Variants in SURF4 observed in about 807,000 individuals in gnomAD.
SURF4 encodes the protein surfeit locus protein 4.
A neutral mutation model predicts 30.0 loss-of-function variants in SURF4; 3 were observed. The observed-to-expected ratio is 0.10, with a 90% CI of 0.05 to 0.26. The LOEUF (loss-of-function observed/expected upper bound fraction) is 0.26. Ranked by LOEUF, SURF4 falls within the 10% of genes least tolerant of loss-of-function variation. The pLI is 1.00. For synonymous variants in SURF4, 143 were observed against 139.9 expected, an observed-to-expected ratio of 1.02 and a Z score of -0.16; for missense variants, 217 against 350.8, an observed-to-expected ratio of 0.62 and a Z score of 3.05.
intron 1 of SURF4, 104 bp from the exon 2 acceptor site, chr9:133,367,549 G>A (rs2130145924): frequency 6.4e-7 from 1 of 1,571,486 alleles, no homozygotes; most frequent in African/African-American, 1.3e-5. Flanking sequence ...AGACGCTGTG[G>A]AAGGCAAGAG....
At chr9:133,376,256 C>T (rs1313779763), upstream of SURF4, 16 of 1,303,840 alleles carry the variant, frequency 1.2e-5, no homozygotes, top group Non-Finnish European at 1.6e-5. Context: ...ACGCTGGAGG[C>T]CCCGCCCGCC....
chr9:133,376,303 A>G (rs1837938232), upstream of SURF4: 2 of 1,339,856 alleles, frequency 1.5e-6, no homozygotes, highest in African/African-American at 3.1e-5. Context: ...GCCCGGCGGA[A>G]CGCGTCCCTT....
chr9:133,376,378 GGC>G, upstream of SURF4: 1 of 1,414,800 alleles, frequency 7.1e-7, no homozygotes, highest in Non-Finnish European at 9.3e-7. Context: ...GTGCCTCGAG[GGC>G]GCCGTTCGGG....
chr9:133,366,126 G>A, intron 3 of SURF4, 98 bp from the exon 4 acceptor site: 1 of 1,271,670 alleles, frequency 7.9e-7, no homozygotes, highest in Non-Finnish European at 1.1e-6. Context: ...AATGTCAGCT[G>A]GAGTCTAAAA....
chr9:133,367,570 C>A, intron 1 of SURF4, 125 bp from the exon 2 acceptor site: 2 of 1,544,134 alleles, frequency 1.3e-6, no homozygotes, highest in Non-Finnish European at 1.7e-6. Flanking sequence ...CTCTTGTCAG[C>A]CCCGGTGCCT....
Position 133,363,871 on chromosome 9 carries a change from G to C in SURF4, c.544-112C>G, listed in dbSNP as rs2130095213. The C allele has an allele frequency of 1.5e-6, 2 of 1,367,784 alleles. No homozygotes were observed. Among genetic ancestry groups the C allele is most frequent in the South Asian group, 2.4e-5 (2 of 82,742 alleles). 84.7% of individuals were successfully genotyped at this position (1,367,784 alleles called of 1,614,324 possible). A position where few individuals can be genotyped will look rare whatever the true frequency, so the allele number is the denominator to read the frequency against. ...TGAAGTCTCTATCCATCAGGCTGAT[G>C]TAGCTACTGCTGAGACGGCTGCTGG... On this transcript the variant is annotated intron_variant, in intron 5 of 5. Transcript: ENST00000371989. This position sits in a 1 kb window ranked among gnomAD's most constrained non-coding sequence, Gnocchi z 4.3.
At chr9:133,368,361 C>T (rs1437027814) in intron 1 of SURF4, among the ~76,000 whole-genome samples, 1 of 152,242 alleles carries the variant, frequency 6.6e-6, no homozygotes, top group African/African-American at 2.4e-5. Flanking sequence ...AGGCCCCAGG[C>T]TCTGGACAGC....
At chr9:133,375,787 G>C (rs985076568) in intron 1 of SURF4, 135 bp downstream of exon 1, 2 of 894,112 alleles carry the variant, frequency 2.2e-6, no homozygotes, top group Non-Finnish European at 2.9e-6. Context: ...GGGCCCGGGC[G>C]GGGGGGTCCC....
chr9:133,376,632 C>G (rs2119197012), upstream of SURF4: 1 of 1,365,210 alleles, frequency 7.3e-7, no homozygotes. Flanking sequence ...CTACGGCCGG[C>G]GGTTCCGACC....
At chr9:133,365,856 A>T (rs1212145511) in intron 4 of SURF4, 129 bp downstream of exon 4, 1 of 919,036 alleles carries the variant, frequency 1.1e-6, no homozygotes, top group Non-Finnish European at 1.7e-6. Flanking sequence ...AAATGCTCCA[A>T]TGAGCACTTC....
At chr9:133,369,436 T>C (rs972800302) in intron 1 of SURF4, among the ~76,000 whole-genome samples, 6 of 152,178 alleles carry the variant, frequency 3.9e-5, no homozygotes, top group African/African-American at 1.4e-4. Flanking sequence ...TCTACTATCC[T>C]GCAGTAGAGT....
At chr9:133,375,128 G>A (rs2130233139) in intron 1 of SURF4, 23 of 714,886 alleles carry the variant, frequency 3.2e-5, no homozygotes, top group Middle Eastern at 7.2e-4. Context: ...AGGGAAGGGA[G>A]TTGTGTCCCT....
intron 1 of SURF4, among the ~76,000 whole-genome samples, chr9:133,373,739 G>A (rs1226532163): frequency 6.6e-6 from 1 of 151,106 alleles, no homozygotes; most frequent in Non-Finnish European, 1.5e-5. Context: ...CCAACATGGG[G>A]AAACCCCGTC....
intron 1 of SURF4, among the ~76,000 whole-genome samples, chr9:133,369,861 TG>T (rs2119152686): frequency 6.6e-6 from 1 of 152,184 alleles, no homozygotes; most frequent in South Asian, 2.1e-4. Flanking sequence ...AAGCAACCAC[TG>T]GGAAGGAAGA....
chr9:133,371,399 C>T (rs1460029291), intron 1 of SURF4, among the ~76,000 whole-genome samples: 4 of 152,244 alleles, frequency 2.6e-5, no homozygotes, highest in African/African-American at 4.8e-5. Flanking sequence ...CCATGCTGCT[C>T]TATAGGTTCA....
At chr9:133,364,485 G>A (rs1000790901) in intron 5 of SURF4, among the ~76,000 whole-genome samples, 3 of 152,178 alleles carry the variant, frequency 2.0e-5, no homozygotes, top group African/African-American at 7.2e-5. Flanking sequence ...GGGGTCAGGA[G>A]ATCGAGACCA....
intron 5 of SURF4, among the ~76,000 whole-genome samples, chr9:133,364,369 G>A (rs2130101470): frequency 9.8e-5 from 15 of 152,306 alleles, no homozygotes; most frequent in Admixed American, 3.3e-4. Context: ...AGAGATTGAC[G>A]ATGTTTTGGT....
chr9:133,374,344 G>C (rs1392354010), intron 1 of SURF4, among the ~76,000 whole-genome samples: 1 of 152,054 alleles, frequency 6.6e-6, no homozygotes, highest in East Asian at 1.9e-4. Context: ...CCTGAGGTCG[G>C]GAGTTCGAGA....
intron 4 of SURF4, 52 bp from the exon 5 acceptor site, chr9:133,365,078 G>C: frequency 6.9e-7 from 1 of 1,447,956 alleles, no homozygotes; most frequent in Non-Finnish European, 9.2e-7. Flanking sequence ...GATCTGGCCT[G>C]TCTGTGAGAC....
Sources: allele counts gnomAD v4.1 joint callset (sites outside exome capture counted in the v4.1 genomes callset), GRCh38; gene constraint gnomAD v4.1.1; non-coding constraint Gnocchi (gnomAD v3.1); transcripts MANE v1.5; gene names NCBI Gene and HGNC (gene_info 2026-07-23, HGNC 2026-07-21).